The following PLCB1 variants were observed in gnomAD, a reference collection of about 807,000 sequenced individuals.
PLCB1 encodes the protein phospholipase C beta 1.
Under a neutral mutation model 161.8 loss-of-function variants are expected in PLCB1, and 46 were observed. The observed-to-expected ratio is 0.28, with a 90% CI of 0.22 to 0.36. The LOEUF is 0.36. Among genes scored for constraint, PLCB1 ranks in the 10% least tolerant of loss-of-function variants. The pLI, the probability that PLCB1 is intolerant of heterozygous loss-of-function variation, is 1.00. For missense variants in PLCB1, 1,016 were observed against 1,472.5 expected, an observed-to-expected ratio of 0.69 and a Z score of 5.07; for synonymous variants, 517 against 503.7, an observed-to-expected ratio of 1.03 and a Z score of -0.35.
intron 2 of PLCB1, among the ~76,000 whole-genome samples, chr20:8,163,844 G>A (rs897070961): frequency 1.3e-5 from 2 of 152,044 alleles, no homozygotes; most frequent in Non-Finnish European, 2.9e-5. Context: ...TATAAATATC[G>A]GGCCTCTATG....
intron 2 of PLCB1, among the ~76,000 whole-genome samples, chr20:8,187,808 A>C (rs1292275109): frequency 6.6e-6 from 1 of 152,128 alleles, no homozygotes; most frequent in African/African-American, 2.4e-5. Context: ...AAAGTAGATA[A>C]CTGAATCTAT....
intron 14 of PLCB1, among the ~76,000 whole-genome samples, chr20:8,721,629 C>T (rs2327096): frequency 6.6e-6 from 1 of 152,030 alleles, no homozygotes; most frequent in Admixed American, 6.5e-5. Flanking sequence ...TATTTAAGGA[C>T]TTACCCATGT....
intron 2 of PLCB1, among the ~76,000 whole-genome samples, chr20:8,289,946 T>C (rs1040901619): frequency 3.9e-5 from 6 of 152,212 alleles, no homozygotes; most frequent in African/African-American, 1.2e-4. Flanking sequence ...ATCATTTGAT[T>C]CATCTTTTGT....
intron 3 of PLCB1, among the ~76,000 whole-genome samples, chr20:8,385,584 G>C (rs995824214): frequency 1.3e-5 from 2 of 152,254 alleles, no homozygotes; most frequent in Non-Finnish European, 2.9e-5. Context: ...AAGCAGATTC[G>C]AGCTGAGAGG....
intron 3 of PLCB1, among the ~76,000 whole-genome samples, chr20:8,528,965 A>AG (rs1277513907): frequency 6.6e-6 from 1 of 151,950 alleles, no homozygotes. Flanking sequence ...AGTGAAAAAA[A>AG]CAGTTCTACA....
chr20:8,774,836 G>C (rs1982867379), intron 27 of PLCB1, 117 bp downstream of exon 27: 3 of 713,430 alleles, frequency 4.2e-6, no homozygotes, highest in Non-Finnish European at 6.9e-6. Context: ...ACCAACTTGA[G>C]AGATTGTTTA....
At chr20:8,677,187 A>C (rs1347479017) in intron 9 of PLCB1, among the ~76,000 whole-genome samples, 2 of 152,092 alleles carry the variant, frequency 1.3e-5, no homozygotes, top group Non-Finnish European at 2.9e-5. Flanking sequence ...TGAGGTCGGG[A>C]GTTTGAGACC....
intron 11 of PLCB1, among the ~76,000 whole-genome samples, chr20:8,702,750 A>G (rs776332840): frequency 9.9e-5 from 15 of 152,176 alleles, no homozygotes; most frequent in South Asian, 2.1e-4. Context: ...TTCACATCCA[A>G]TGTCCACCAA....
At chr20:8,759,475 G>T (rs932527245) in intron 24 of PLCB1, among the ~76,000 whole-genome samples, 1 of 152,018 alleles carries the variant, frequency 6.6e-6, no homozygotes, top group East Asian at 1.9e-4. Flanking sequence ...CTGCCTAGTG[G>T]TCAACATTTG....
At chr20:8,197,960 A>G (rs2052045033) in intron 2 of PLCB1, among the ~76,000 whole-genome samples, 1 of 152,156 alleles carries the variant, frequency 6.6e-6, no homozygotes, top group African/African-American at 2.4e-5. Flanking sequence ...GTCAAAGATC[A>G]GATAGTTATA....
intron 3 of PLCB1, among the ~76,000 whole-genome samples, chr20:8,440,530 A>G (rs1980511963): frequency 6.6e-6 from 1 of 152,208 alleles, no homozygotes; most frequent in Non-Finnish European, 1.5e-5. Flanking sequence ...TAACCAGTCC[A>G]GTTCTTGTCT....
intron 2 of PLCB1, among the ~76,000 whole-genome samples, chr20:8,268,833 A>G (rs1982120568): frequency 1.4e-5 from 2 of 140,924 alleles, no homozygotes; most frequent in South Asian, 2.3e-4. Context: ...CATTTTCTCT[A>G]TGTATTTTTT....
At chr20:8,229,763 G>T (rs1979904488) in intron 2 of PLCB1, among the ~76,000 whole-genome samples, 1 of 145,754 alleles carries the variant, frequency 6.9e-6, no homozygotes, top group South Asian at 2.3e-4. Flanking sequence ...GTTCATACCT[G>T]TAATCCCAGT....
chr20:8,801,720 A>G (rs1264940324), intron 31 of PLCB1, among the ~76,000 whole-genome samples: 4 of 152,192 alleles, frequency 2.6e-5, no homozygotes, highest in African/African-American at 7.2e-5. Context: ...ACAGCTGTCA[A>G]TCATTCATCA....
At chr20:8,315,940 T>G (rs1283139182) in intron 2 of PLCB1, among the ~76,000 whole-genome samples, 1 of 152,220 alleles carries the variant, frequency 6.6e-6, no homozygotes, top group Non-Finnish European at 1.5e-5. Context: ...TTCACTCCTG[T>G]TTTTCTAATG....
At chr20:8,389,740 A>G (rs1290542240) in intron 3 of PLCB1, among the ~76,000 whole-genome samples, 2 of 152,204 alleles carry the variant, frequency 1.3e-5, no homozygotes, top group African/African-American at 4.8e-5. Flanking sequence ...TCTCTAAGCC[A>G]GGGTTTTCAA....
intron 2 of PLCB1, among the ~76,000 whole-genome samples, chr20:8,336,940 G>T (rs1985603984): frequency 6.6e-6 from 1 of 151,458 alleles, no homozygotes. Context: ...AAATATTATA[G>T]CTCTTCTACT....
intron 20 of PLCB1, 109 bp downstream of exon 20, chr20:8,737,301 A>T (rs2123510934): frequency 2.1e-6 from 2 of 935,916 alleles, no homozygotes; most frequent in African/African-American, 1.7e-5. Flanking sequence ...AAATTTACAC[A>T]CTTATAAAGC....
chr20:8,234,347 C>G (rs1980216765), intron 2 of PLCB1, among the ~76,000 whole-genome samples: 1 of 149,268 alleles, frequency 6.7e-6, no homozygotes, highest in Non-Finnish European at 1.5e-5. Context: ...GGTGGAGTTA[C>G]AGAAATAGTG....
Sources: gnomAD v4.1 joint callset for allele counts (sites outside exome capture counted in the v4.1 genomes callset) on GRCh38, gnomAD v4.1.1 for gene constraint, MANE v1.5 for transcripts, NCBI Gene and HGNC (gene_info 2026-07-23, HGNC 2026-07-21) for gene names.